MTMR10: variants seen among roughly 807,000 people sequenced by gnomAD.
The protein encoded by MTMR10 is myotubularin related protein 10.
A neutral mutation model predicts 88.1 loss-of-function variants in MTMR10; 56 were observed. The ratio of observed to expected loss-of-function variants is 0.64; its 90% CI spans 0.51 to 0.79. The LOEUF (loss-of-function observed/expected upper bound fraction) is 0.79, where lower values mean the gene tolerates loss of function less well. Among genes scored for constraint, MTMR10 ranks in the 30% least tolerant of loss-of-function variants. The pLI, the probability that MTMR10 is intolerant of heterozygous loss-of-function variation, is 0.00. For synonymous variants in MTMR10, 380 were observed against 340.9 expected (o/e 1.11, Z -1.26); for missense variants, 883 against 924.7 (o/e 0.95, Z 0.58).
intron 2 of MTMR10, among the ~76,000 whole-genome samples, chr15:30,979,845 G>A (rs769619690): frequency 2.8e-4 from 43 of 152,322 alleles, no homozygotes; most frequent in South Asian, 6.2e-4. Context: ...TGGGTCCAAC[G>A]GATGGTAAAC....
intron 14 of MTMR10, 178 bp from the exon 15 acceptor site, chr15:30,943,250 G>A (rs913194129): frequency 2.2e-6 from 3 of 1,359,256 alleles, no homozygotes; most frequent in South Asian, 2.0e-5. Context: ...AGCTCAGAGG[G>A]CCCCACAGTC....
rs773394428 is a variant in MTMR10 at position 30,990,828 on chromosome 15, T to C, written c.70A>G (p.Lys24Glu). The change falls in exon 2 of 16, where the codon AAG becomes GAG. Residue 24 changes from lysine (K) to glutamate (E), a missense_variant. Lys to Glu is a moderately conservative substitution (Grantham distance 56). Coordinates refer to ENST00000435680, the MANE Select transcript of MTMR10 (RefSeq NM_017762.3). ...TTAATCTTCGGTTCCGAATTGATCT[T>C]ATCGTCAGTCTGAAATACATTAGCA... The part of the protein sequence containing the change: ...YLLPPPQTDD[K>E]INSEPKIKKL... 4.4e-6 allele frequency: 7 copies of C among 1,605,074 alleles called. No homozygotes were observed. Among genetic ancestry groups the C allele is most frequent in the Non-Finnish European group, 6.0e-6 (7 of 1,175,398 alleles).
At chr15:30,967,723 G>A (rs965622837) in intron 6 of MTMR10, among the ~76,000 whole-genome samples, 197 bp downstream of exon 6, 2 of 152,114 alleles carry the variant, frequency 1.3e-5, no homozygotes, top group Admixed American at 1.3e-4. Context: ...TAGCATTAAA[G>A]GTTCTTCCTG....
At chr15:30,990,010 T>G (rs1366105698) in intron 2 of MTMR10, among the ~76,000 whole-genome samples, 2 of 152,216 alleles carry the variant, frequency 1.3e-5, no homozygotes, top group Non-Finnish European at 2.9e-5. Context: ...ACCAATATTC[T>G]GTATGCTCTA....
chr15:30,927,790 G>A, the MTMR10 span: 11 of 985,824 alleles, frequency 1.1e-5, no homozygotes, highest in Non-Finnish European at 1.3e-5. Context: ...GCAGCTGGAT[G>A]AGCTGGGGCT....
chr15:30,990,761 C>A lies in MTMR10; in HGVS notation c.121+16G>T. 6.2e-7 allele frequency: 1 copy of A among 1,603,186 alleles called. No individual in the cohort carries two copies. The highest frequency in any genetic ancestry group is 2.2e-5 in the East Asian group (1 of 44,752). ...ACGTTGCTAAAGTATCTGTTAGAAT[C>A]CTAACTAATGTTTACCTGGCAAAAG... is the stretch of plus-strand genomic sequence containing the variant. On this transcript the variant is annotated intron_variant, in intron 2 of 15. Coordinates refer to ENST00000435680, the MANE Select transcript of MTMR10 (RefSeq NM_017762.3).
chr15:30,930,706 A>G, the MTMR10 span: 2 of 1,609,034 alleles, frequency 1.2e-6, no homozygotes, highest in Non-Finnish European at 1.7e-6. Context: ...CCTGTTGGTA[A>G]CCTTATTAGC....
At chr15:30,951,833 CTGTAA>C (rs2063251472) in intron 12 of MTMR10, 130 bp downstream of exon 12, 1 of 739,472 alleles carries the variant, frequency 1.4e-6, no homozygotes, top group African/African-American at 1.8e-5. Context: ...TGTGCAAAAT[CTGTAA>C]TGTATTTGAT....
At chr15:30,925,760 T>A in the MTMR10 span, 1 of 1,612,990 alleles carries the variant, frequency 6.2e-7, no homozygotes, top group African/African-American at 1.3e-5. Context: ...GACCTGAGGC[T>A]AATAGATGTT....
rs1320573205 is a variant in MTMR10, at chr15:30,948,404, A to G, written c.1275T>C (p.Phe425=). 2 of 1,613,410 alleles carry G rather than the reference A, an allele frequency of 1.2e-6. No individual in the cohort carries two copies. Among genetic ancestry groups the G allele is most frequent in the South Asian group, 2.2e-5 (2 of 90,914 alleles). ...GACTCTGAAATCCAGTAATTGTCCT[A>G]AAATAGGGATCCAGCATCACTTGAA... ...SLVQVMLDPY[F]RTITGFQSLI... The change falls in exon 13 of 16, where the codon TTT becomes TTC. Residue 425 remains phenylalanine (F), a synonymous_variant. Transcript: ENST00000435680.
At chr15:30,984,233 G>A (rs1191213767) in intron 2 of MTMR10, among the ~76,000 whole-genome samples, 1 of 152,128 alleles carries the variant, frequency 6.6e-6, no homozygotes, top group South Asian at 2.1e-4. Flanking sequence ...TGTTGACAAC[G>A]ATAGTGAGGA....
the MTMR10 span, among the ~76,000 whole-genome samples, chr15:30,932,903 A>G: frequency 7.3e-6 from 1 of 137,380 alleles, no homozygotes; most frequent in Non-Finnish European, 1.6e-5. Context: ...TTGTATTTTT[A>G]GTAGAGATGA....
chr15:30,970,397 A>G (rs1217680506), intron 5 of MTMR10, among the ~76,000 whole-genome samples: 2 of 152,142 alleles, frequency 1.3e-5, no homozygotes, highest in Non-Finnish European at 2.9e-5. Context: ...AGAGGGAGAC[A>G]GGCTAAAAAG....
intron 2 of MTMR10, among the ~76,000 whole-genome samples, chr15:30,986,707 C>G (rs902052332): frequency 2.6e-5 from 4 of 152,156 alleles, no homozygotes; most frequent in African/African-American, 9.7e-5. Context: ...AAAACTTCAT[C>G]CAAATCTGAT....
At position 30,941,558 on chromosome 15, in the gene MTMR10, C is replaced by T. The variant is rs763421105; in HGVS notation, c.2246G>A (p.Arg749Lys). The T allele has an allele frequency of 1.2e-6, 2 of 1,603,398 alleles. No individual in the cohort carries two copies. Among genetic ancestry groups the T allele is most frequent in the Non-Finnish European group, 1.7e-6 (2 of 1,174,282 alleles). Residue 749 changes from arginine (R) to lysine (K), a missense_variant, in exon 16 of 16, where the codon AGA becomes AAA. By Grantham distance (26) the Arg-to-Lys change is conservative (BLOSUM62 2). Coordinates refer to ENST00000435680, the MANE Select transcript of MTMR10 (RefSeq NM_017762.3). ...TAATGGTGTTCCTAAAATGCTTCGT[C>T]TGCACAGATTCCCTACAGGAGAAAA... The part of the protein sequence containing the change: ...FPFSPVGNLC[R>K]RSILGTPLSK...
chr15:30,940,661 C>A lies in MTMR10; in HGVS notation c.*809G>T. The A allele has an allele frequency of 1.0e-6, 1 of 986,622 alleles. No homozygotes were observed. The highest frequency in any genetic ancestry group is 1.7e-5 in the African/African-American group (1 of 57,354). The allele number at this position is 986,622 out of a possible 1,614,324, so 61.1% of individuals were successfully genotyped here. On this transcript the variant is annotated 3_prime_UTR_variant, in exon 16 of 16. Transcript: ENST00000435680. Reference sequence around the variant, plus strand: ...TCTGTGGAATCAGCACCCCAGAGGCCACTCCCCAGTGGCTTTCAGAGGAAC... The same window carrying A: ...TCTGTGGAATCAGCACCCCAGAGGCAACTCCCCAGTGGCTTTCAGAGGAAC...
At chr15:30,937,692 C>G (rs562167819), downstream of MTMR10, among the ~76,000 whole-genome samples, 2 of 151,852 alleles carry the variant, frequency 1.3e-5, no homozygotes, top group South Asian at 4.2e-4. Context: ...CTGACCTCAA[C>G]TGACCTACTC....
chr15:30,970,369 T>C (rs2063522897), intron 5 of MTMR10, among the ~76,000 whole-genome samples: 1 of 151,956 alleles, frequency 6.6e-6, no homozygotes, highest in South Asian at 2.1e-4. Context: ...AAGGGGAATA[T>C]GAAGTGTTAC....
At chr15:30,930,415 G>A in the MTMR10 span, 31 of 1,086,720 alleles carry the variant, frequency 2.9e-5, no homozygotes, top group African/African-American at 4.5e-4. Flanking sequence ...ACAGCGCATG[G>A]TGGGCCTGGG....
Sources: allele counts gnomAD v4.1 joint callset (sites outside exome capture counted in the v4.1 genomes callset), GRCh38; gene constraint gnomAD v4.1.1; transcripts MANE v1.5; gene names NCBI Gene and HGNC (gene_info 2026-07-23, HGNC 2026-07-21).